The following POGZ variants were observed in gnomAD, a reference collection of about 807,000 sequenced individuals.
The protein encoded by POGZ is pogo transposable element with ZNF domain.
Under a neutral mutation model 134.6 loss-of-function variants are expected in POGZ, and 17 were observed. That is an observed-to-expected ratio of 0.13 (90% CI 0.09 to 0.19). POGZ has a LOEUF of 0.19. POGZ is among the 10% of genes least tolerant of loss of function. The pLI is 1.00. For missense variants in POGZ, 1,306 were observed against 1,769.7 expected (o/e 0.74, Z 4.70); for synonymous variants, 693 against 657.1 (o/e 1.05, Z -0.84).
intron 3 of POGZ, among the ~76,000 whole-genome samples, chr1:151,435,821 C>T (rs1473434871): frequency 6.6e-6 from 1 of 151,946 alleles, no homozygotes; most frequent in Non-Finnish European, 1.5e-5. Flanking sequence ...ACAAAACACA[C>T]ACAAAAAACC....
chr1:151,451,385 G>A (rs1408309563), intron 1 of POGZ, among the ~76,000 whole-genome samples: 2 of 151,734 alleles, frequency 1.3e-5, no homozygotes, highest in African/African-American at 4.8e-5. Context: ...GGAGCCCAAT[G>A]GCGCGATCTC....
At position 151,411,033 on chromosome 1, in the gene POGZ, A is replaced by C. The variant is rs78360759; in HGVS notation, c.1926+592T>G. ...AGCTAGTTTCCCTAACTGTAGTCTC[A>C]ATCTCCTTTAATCCATTCTCTGCAG... On this transcript the variant is annotated intron_variant, in intron 12 of 18. Transcript: ENST00000271715. Among the ~76,000 whole-genome samples the C allele has an allele frequency of 7.3e-3, 1,108 of 152,312 alleles. 5 individuals carry two copies. The highest frequency in any genetic ancestry group is 0.012 in the Non-Finnish European group (794 of 68,018).
chr1:151,413,037 C>G lies in POGZ; in HGVS notation c.1679-641G>C, dbSNP rs576676545. Among the ~76,000 whole-genome samples, 7 of 151,184 alleles carry G rather than the reference C, an allele frequency of 4.6e-5. No individual in the cohort carries two copies. In the East Asian group the frequency reaches 1.4e-3, roughly 29 times the overall value. ...CAGGTTGGTCTCGAACTCCTGACCTCAGGTGATCTACCTGTCCCAGCCTCC... is the reference window on the plus strand; with the variant it reads ...CAGGTTGGTCTCGAACTCCTGACCTGAGGTGATCTACCTGTCCCAGCCTCC... On this transcript the variant is annotated intron_variant, in intron 10 of 18. Coordinates refer to ENST00000271715, the MANE Select transcript of POGZ (RefSeq NM_015100.4).
intron 10 of POGZ, among the ~76,000 whole-genome samples, chr1:151,421,314 G>A (rs913498683): frequency 1.3e-5 from 2 of 150,550 alleles, no homozygotes; most frequent in African/African-American, 2.4e-5. Context: ...GCCAATAAAT[G>A]GTCAGAGATA....
chr1:151,408,571 C>G lies in POGZ; in HGVS notation c.2072G>C (p.Arg691Pro). ...AGTTCGTGGCTGCCCTCGGGAAGCC[C>G]GGATTGTCACCTGAGAACCAAGGGA... is the stretch of plus-strand genomic sequence containing the variant. ...GLKPGTKVTIRASRGQPRTVP... is the reference protein window; with the variant it reads ...GLKPGTKVTIPASRGQPRTVP... The change falls in exon 14 of 19, where the codon CGG becomes CCG. Residue 691 changes from arginine to proline, a missense_variant. By Grantham distance (103) the Arg-to-Pro change is moderately radical. Coordinates refer to ENST00000271715, the MANE Select transcript of POGZ (RefSeq NM_015100.4). 1 of 1,610,528 alleles carries G rather than the reference C, an allele frequency of 6.2e-7. No individual in the cohort carries two copies. The highest frequency in any genetic ancestry group is 8.5e-7 in the Non-Finnish European group (1 of 1,179,126).
chr1:151,415,619 C>T (rs936105747), intron 10 of POGZ, among the ~76,000 whole-genome samples: 2 of 143,266 alleles, frequency 1.4e-5, no homozygotes, highest in East Asian at 2.0e-4. Context: ...TGCAGTGAGC[C>T]GAGATCGCAC....
chr1:151,410,000 T>G (rs4971042), intron 12 of POGZ, among the ~76,000 whole-genome samples: 4 of 152,058 alleles, frequency 2.6e-5, no homozygotes, highest in African/African-American at 9.7e-5. Context: ...CAGCAGTCAC[T>G]ACTGTGCAAA....
Position 151,405,342 on chromosome 1 carries a change from A to G in POGZ, c.3693T>C (p.His1231=). Residue 1231 remains histidine, a synonymous_variant, in exon 19 of 19, where the codon CAT becomes CAC. Coordinates refer to ENST00000271715, the MANE Select transcript of POGZ (RefSeq NM_015100.4). The surrounding 1 kb of genome is among the most constrained non-coding windows in gnomAD (Gnocchi z 4.9). ...RSKGMLVMDC[H]RTHLSEEVLA... is the part of the protein sequence containing the mutation. ...GTACCTCTTCTGACAAGTGAGTGCG[A>G]TGACAGTCCATCACAAGCATGCCTT... is the stretch of plus-strand genomic sequence containing the variant. The G allele has an allele frequency of 6.2e-7, 1 of 1,614,210 alleles. No homozygotes were observed. The highest frequency in any genetic ancestry group is 1.3e-5 in the African/African-American group (1 of 75,062).
At chr1:151,418,701 A>G (rs1656236433) in intron 10 of POGZ, among the ~76,000 whole-genome samples, 1 of 152,112 alleles carries the variant, frequency 6.6e-6, no homozygotes, top group Admixed American at 6.6e-5. Flanking sequence ...AACCATGTAC[A>G]CCTATTATGC....
rs371322148 is a variant in POGZ, at chr1:151,428,265, G to A, written c.717C>T (p.Ser239=). The change falls in exon 6 of 19, where the codon AGC becomes AGT. Residue 239 remains serine, a synonymous_variant. Coordinates refer to ENST00000271715, the MANE Select transcript of POGZ (RefSeq NM_015100.4). ...TVIPATLTIR[S]TVPQSQSQQT... ...GCTGGGACTGGGACTGTGGGACGGT[G>A]CTTCGAATGGTAAGAGTGGCCGGGA... 6.2e-7 allele frequency: 1 copy of A among 1,614,148 alleles called. No homozygotes were observed. Among genetic ancestry groups the A allele is most frequent in the African/African-American group, 1.3e-5 (1 of 75,020 alleles).
rs2102270205 is a variant in POGZ at position 151,423,465 on chromosome 1, C to T, written c.1610G>A (p.Arg537His). 7 of 1,613,844 alleles carry T rather than the reference C, an allele frequency of 4.3e-6. No homozygotes were observed. Among genetic ancestry groups the T allele is most frequent in the Non-Finnish European group, 4.2e-6 (5 of 1,179,782 alleles). The change falls in exon 10 of 19, where the codon CGC (arginine) becomes CAC (histidine). Residue 537 changes from arginine to histidine, a missense_variant. This residue lies in a region of POGZ where 541 missense variants were observed against 680.5 expected (regional missense o/e 0.80). Transcript: ENST00000271715. ...DGHTICQHCY[R>H]QFSTPFQLQC... ...AAGCTGGAAGGGAGTGGAAAACTGG[C>T]GGTAACAGTGCTGGCAGATAGTGTG...
intron 7 of POGZ, chr1:151,426,071 T>C (rs948590069): frequency 1.3e-5 from 2 of 152,216 alleles, no homozygotes; most frequent in African/African-American, 4.8e-5. Context: ...CGGTACCTCA[T>C]TGTGGTTTTG....
intron 15 of POGZ, 52 bp downstream of exon 15, chr1:151,408,048 A>C: frequency 6.8e-7 from 1 of 1,460,290 alleles, no homozygotes; most frequent in Non-Finnish European, 9.3e-7. Context: ...GAAGAAGAAG[A>C]AAAAAAGAAT....
chr1:151,427,580 C>A, intron 7 of POGZ: 1 of 453,232 alleles, frequency 2.2e-6, no homozygotes, highest in Non-Finnish European at 4.0e-6. Flanking sequence ...CATTATCTCA[C>A]CCATCTTTAA....
chr1:151,427,794 G>A, intron 7 of POGZ, 29 bp downstream of exon 7: 1 of 1,395,398 alleles, frequency 7.2e-7, no homozygotes, highest in Non-Finnish European at 1.0e-6. Context: ...TGAATGACTG[G>A]CTGCTCAGAG....
At chr1:151,447,903 C>T (rs1661502908) in intron 1 of POGZ, among the ~76,000 whole-genome samples, 1 of 151,974 alleles carries the variant, frequency 6.6e-6, no homozygotes, top group Non-Finnish European at 1.5e-5. Flanking sequence ...ACCCTAGCAT[C>T]GTTTGATAAA....
At chr1:151,420,522 C>G (rs1656706586) in intron 10 of POGZ, among the ~76,000 whole-genome samples, 1 of 152,062 alleles carries the variant, frequency 6.6e-6, no homozygotes, top group Non-Finnish European at 1.5e-5. Context: ...TCCATGCTGC[C>G]CAGGCTGGTC....
Position 151,404,291 on chromosome 1 carries a change from A to G in POGZ, c.*511T>C. On this transcript the variant is annotated 3_prime_UTR_variant, in exon 19 of 19. Transcript: ENST00000271715. ...AAGTTTTTTATCCATATATATAATAAACCAGTTTGTGAGCTACATAATTTG... is the reference window on the plus strand; with the variant it reads ...AAGTTTTTTATCCATATATATAATAGACCAGTTTGTGAGCTACATAATTTG... The G allele has an allele frequency of 1.0e-6, 1 of 984,008 alleles. No individual in the cohort carries two copies. Among genetic ancestry groups the G allele is most frequent in the East Asian group, 1.1e-4 (1 of 8,824 alleles). 61.0% of individuals were successfully genotyped at this position (984,008 alleles called of 1,614,324 possible).
At chr1:151,458,348 C>G (rs984073127) in intron 1 of POGZ, among the ~76,000 whole-genome samples, 2 of 152,070 alleles carry the variant, frequency 1.3e-5, no homozygotes, top group Non-Finnish European at 2.9e-5. Flanking sequence ...TAAAGATTCC[C>G]CGCCTCATTC....
Sources: gnomAD v4.1 joint callset for allele counts (sites outside exome capture counted in the v4.1 genomes callset) on GRCh38, gnomAD v4.1.1 for gene constraint, gnomAD v4.1.1 regional missense constraint, Gnocchi (gnomAD v3.1) non-coding constraint, MANE v1.5 for transcripts, NCBI Gene and HGNC (gene_info 2026-07-23, HGNC 2026-07-21) for gene names.